Variants in CCDC125 observed in about 807,000 individuals in gnomAD.
CCDC125 encodes coiled-coil domain containing 125, also known as coiled-coil domain-containing protein 125.
CCDC125 carries 43 observed loss-of-function variants against 57.4 expected under a neutral mutation model. The observed-to-expected ratio is 0.75, with a 90% CI of 0.59 to 0.97. The LOEUF is 0.97. Among genes scored for constraint, CCDC125 ranks in the 50% least tolerant of loss-of-function variants. CCDC125 has a pLI of 0.00. For missense variants in CCDC125, 563 were observed against 595.7 expected, an observed-to-expected ratio of 0.95 and a Z score of 0.57; for synonymous variants, 187 against 195.2, an observed-to-expected ratio of 0.96 and a Z score of 0.35.
At chr5:69,308,246 T>A in intron 4 of CCDC125, 1 of 577,524 alleles carries the variant, frequency 1.7e-6, no homozygotes, top group South Asian at 2.1e-5. Flanking sequence ...GGATGAATTT[T>A]CCACACAAAG....
intron 2 of CCDC125, among the ~76,000 whole-genome samples, chr5:69,318,921 T>C (rs1408861162): frequency 2.0e-5 from 3 of 151,724 alleles, no homozygotes. Context: ...ATCTGTTGAT[T>C]TGCAGGGTTT....
chr5:69,301,680 A>T (rs1457342498), intron 7 of CCDC125, among the ~76,000 whole-genome samples: 8 of 151,592 alleles, frequency 5.3e-5, no homozygotes, highest in Non-Finnish European at 1.2e-4. Flanking sequence ...GGTTGTAGTG[A>T]GGTGAGATTG....
intron 6 of CCDC125, among the ~76,000 whole-genome samples, chr5:69,305,066 GA>G (rs1049880032): frequency 6.6e-6 from 1 of 151,088 alleles, no homozygotes; most frequent in Non-Finnish European, 1.5e-5. Context: ...GTATTTCATG[GA>G]AAAAAAAGAT....
intron 10 of CCDC125, among the ~76,000 whole-genome samples, chr5:69,287,119 A>G (rs2150316257): frequency 6.6e-6 from 1 of 152,254 alleles, no homozygotes; most frequent in East Asian, 1.9e-4. Context: ...AAGTGTTACT[A>G]AACATAAAAT....
chr5:69,331,522 G>A (rs923301235), intron 1 of CCDC125, among the ~76,000 whole-genome samples: 6 of 151,928 alleles, frequency 3.9e-5, no homozygotes, highest in African/African-American at 1.2e-4. Context: ...GAGCCACTGC[G>A]CCCAGCCGAA....
At chr5:69,295,720 C>T (rs2150374661) in intron 8 of CCDC125, among the ~76,000 whole-genome samples, 1 of 152,182 alleles carries the variant, frequency 6.6e-6, no homozygotes, top group East Asian at 1.9e-4. Context: ...ATATACCTTC[C>T]CCAAAAGAAA....
chr5:69,303,881 T>C lies in CCDC125; in HGVS notation c.666A>G (p.Thr222=), dbSNP rs1167469725. ...CAGACTTCAGCATTTTAATTTCTTC[T>C]GTTTTCACTTTCAAATTCTCTTTGA... The part of the protein sequence containing the change: ...AVLKENLKVK[T]EEIKMLKSDN... Residue 222 remains threonine, a synonymous_variant, in exon 7 of 12, where the codon ACA becomes ACG. Coordinates refer to ENST00000396496, the MANE Select transcript of CCDC125 (RefSeq NM_176816.5). 3.1e-6 allele frequency: 5 copies of C among 1,608,428 alleles called. No homozygotes were observed. The highest frequency in any genetic ancestry group is 4.2e-6 in the Non-Finnish European group (5 of 1,178,068).
chr5:69,318,357 G>A (rs1437938844), intron 2 of CCDC125, among the ~76,000 whole-genome samples: 1 of 152,002 alleles, frequency 6.6e-6, no homozygotes, highest in Non-Finnish European at 1.5e-5. Flanking sequence ...TGAGGCAAGA[G>A]GATTGCTTAA....
At chr5:69,288,717 C>A (rs1753909174) in intron 10 of CCDC125, among the ~76,000 whole-genome samples, 1 of 152,224 alleles carries the variant, frequency 6.6e-6, no homozygotes, top group African/African-American at 2.4e-5. Flanking sequence ...TCAGGAGCAG[C>A]AGAGACAACT....
At chr5:69,279,487 T>C (rs150402619), downstream of CCDC125, among the ~76,000 whole-genome samples, 306 of 152,284 alleles carry the variant, frequency 2.0e-3, 4 homozygotes, top group East Asian at 0.04. Context: ...TGAGCCACCG[T>C]GCCCGGCCGC....
chr5:69,292,269 G>C lies in CCDC125; in HGVS notation c.1018C>G (p.Gln340Glu), dbSNP rs150476854. 1.1e-4 allele frequency: 173 copies of C among 1,613,500 alleles called. 1 individual carries two copies. In the Middle Eastern group the frequency reaches 4.1e-3, roughly 38 times the overall value. The stretch of plus-strand genomic sequence containing the variant: ...TCCATTTGTGTCAATTGTAGTGCCT[G>C]GTCATTTTTTCTCATTAATTGTTGC... ...FEQQLMRKND[Q>E]ALQLTQMDKM... The change falls in exon 10 of 12, where the codon CAG becomes GAG. Residue 340 changes from glutamine (Q) to glutamate (E), a missense_variant. Transcript: ENST00000396496.
chr5:69,276,887 G>A (rs541464926), downstream of CCDC125, among the ~76,000 whole-genome samples: 26 of 152,184 alleles, frequency 1.7e-4, no homozygotes, highest in Non-Finnish European at 3.5e-4. Flanking sequence ...GGCAGCTTTT[G>A]TGTATACCTC....
chr5:69,306,287 G>A lies in CCDC125; in HGVS notation c.617+530C>T, dbSNP rs997328523. Among the ~76,000 whole-genome samples, 3 of 151,922 alleles carry A rather than the reference G, an allele frequency of 2.0e-5. No homozygotes were observed. The South Asian group carries it at 6.2e-4, about 32-fold the overall frequency. ...CCAATTCTAAAATAATTCTTACACT[G>A]TATTTTAAGATAGAGTTTATACTAT... On this transcript the variant is annotated intron_variant, in intron 6 of 11. Coordinates refer to ENST00000396496, the MANE Select transcript of CCDC125 (RefSeq NM_176816.5).
downstream of CCDC125, among the ~76,000 whole-genome samples, chr5:69,278,205 C>CTTTAT (rs71612524): frequency 0.61 from 91,218 of 149,446 alleles, 28,301 homozygotes; most frequent in African/African-American, 0.72. Context: ...TAAAAATTCA[C>CTTTAT]TTTATTTTAT....
At chr5:69,277,260 T>A (rs1752247499), downstream of CCDC125, 1 of 535,144 alleles carries the variant, frequency 1.9e-6, no homozygotes, top group Middle Eastern at 5.3e-4. Context: ...ATGTAAAATA[T>A]GTAAAACTAT....
rs372248267 is a variant in CCDC125 at position 69,320,238 on chromosome 5, A to G, written c.303T>C (p.Thr101=). 3 of 1,610,954 alleles carry G rather than the reference A, an allele frequency of 1.9e-6. No individual in the cohort carries two copies. The highest frequency in any genetic ancestry group is 1.7e-4 in the Middle Eastern group (1 of 6,056). The stretch of plus-strand genomic sequence containing the variant: ...GGAGAGGAAATTCAGCATTCTTACC[A>G]GTGCTACTTTGTCGTCTGTAATTGG... ...RISNYRRQSS[T]VDSNSELSNE... Residue 101 remains threonine (T), a splice_region_variant and synonymous_variant, in exon 2 of 12, where the codon ACT becomes ACC. Transcript: ENST00000396496.
In CCDC125 at chr5:69,308,013, C is replaced by T; in HGVS notation, c.469G>A (p.Ala157Thr). Reference sequence around the variant, plus strand: ...AGCACTGCCTGCGTATGACTTGTGGCTTTGCCCAGTATTGCCTAAGAAAAA... The same window carrying T: ...AGCACTGCCTGCGTATGACTTGTGGTTTTGCCCAGTATTGCCTAAGAAAAA... ...ILQSMAILGK[A>T]TSHTQAVLQK... Residue 157 changes from alanine (A) to threonine (T), a missense_variant, in exon 5 of 12, where the codon GCC becomes ACC. Ala to Thr is a moderately conservative substitution (Grantham distance 58). Transcript: ENST00000396496. The T allele has an allele frequency of 6.2e-7, 1 of 1,613,654 alleles. No homozygotes were observed. The highest frequency in any genetic ancestry group is 8.5e-7 in the Non-Finnish European group (1 of 1,179,630).
In CCDC125 at chr5:69,294,827, G is replaced by T. The variant is rs371523862; in HGVS notation, c.890C>A (p.Ser297Tyr). 1.2e-6 allele frequency: 2 copies of T among 1,614,160 alleles called. No individual in the cohort carries two copies. Among genetic ancestry groups the T allele is most frequent in the Non-Finnish European group, 1.7e-6 (2 of 1,180,000 alleles). Residue 297 changes from serine to tyrosine, a missense_variant, in exon 9 of 12, where the codon TCC becomes TAC. Transcript: ENST00000396496. ...GAGCTGAAGAAGCAGTTTCCGAGTG[G>T]ATGCTGCCATTCTGGCACAAGAACA... ...NPCSCARMAA[S>Y]TRKLLLQLKQ...
chr5:69,297,089 G>A (rs1261693230), intron 8 of CCDC125, among the ~76,000 whole-genome samples: 5 of 152,098 alleles, frequency 3.3e-5, no homozygotes, highest in Non-Finnish European at 7.3e-5. Flanking sequence ...TTTTTGAGAC[G>A]GAGTCTCGCT....
Sources: gnomAD v4.1 joint callset for allele counts (sites outside exome capture counted in the v4.1 genomes callset) on GRCh38, gnomAD v4.1.1 for gene constraint, MANE v1.5 for transcripts, NCBI Gene and HGNC (gene_info 2026-07-23, HGNC 2026-07-21) for gene names.